Variants in PHACTR1 observed in about 807,000 individuals in gnomAD.
The protein encoded by PHACTR1 is phosphatase and actin regulator 1.
In PHACTR1, 16 loss-of-function variants were observed where a neutral mutation model predicts 69.2. The ratio of observed to expected loss-of-function variants is 0.23; its 90% CI spans 0.16 to 0.35. The LOEUF (loss-of-function observed/expected upper bound fraction) is 0.35, where lower values mean the gene tolerates loss of function less well. Ranked by LOEUF, PHACTR1 falls within the 10% of genes least tolerant of loss-of-function variation. The pLI, the probability that PHACTR1 is intolerant of heterozygous loss-of-function variation, is 1.00. For missense variants in PHACTR1, 510 were observed against 734.7 expected, an observed-to-expected ratio of 0.69 and a Z score of 3.54; for synonymous variants, 312 against 284.5, an observed-to-expected ratio of 1.10 and a Z score of -0.97.
intron 4 of PHACTR1, among the ~76,000 whole-genome samples, chr6:12,774,894 A>G (rs1456102154): frequency 3.3e-5 from 5 of 152,228 alleles, no homozygotes; most frequent in African/African-American, 1.2e-4. Context: ...CCATTTCCAA[A>G]TAAAGTGAAG....
intron 7 of PHACTR1, among the ~76,000 whole-genome samples, chr6:13,197,419 T>C (rs1184503177): frequency 6.6e-6 from 1 of 152,164 alleles, no homozygotes; most frequent in Non-Finnish European, 1.5e-5. Context: ...ATCTATACTC[T>C]GGGCAATACT....
At chr6:13,064,238 A>G (rs1808139023) in intron 5 of PHACTR1, among the ~76,000 whole-genome samples, 1 of 151,986 alleles carries the variant, frequency 6.6e-6, no homozygotes, top group South Asian at 2.1e-4. Flanking sequence ...GAAGACTGTG[A>G]ACAGATCCAA....
At position 13,014,223 on chromosome 6, in the gene PHACTR1, G is replaced by T. The variant is rs558573809; in HGVS notation, c.251-39142G>T. On this transcript the variant is annotated intron_variant, in intron 4 of 14. Transcript: ENST00000332995. ...CGGGCTGTCTCAGTTTGGGGGCACC[G>T]CCGGCGTCTGTCGCCTGGAAAACTG... 5.9e-5 allele frequency among the ~76,000 whole-genome samples: 9 copies of T among 152,208 alleles called. No individual in the cohort carries two copies. The South Asian group carries it at 1.0e-3, about 18-fold the overall frequency.
intron 4 of PHACTR1, among the ~76,000 whole-genome samples, chr6:12,975,396 A>G (rs1010313427): frequency 6.6e-6 from 1 of 152,226 alleles, no homozygotes; most frequent in African/African-American, 2.4e-5. Context: ...TATTATTTAT[A>G]TGAAAATACT....
chr6:13,119,065 C>T (rs1818256286), intron 5 of PHACTR1, among the ~76,000 whole-genome samples: 1 of 152,150 alleles, frequency 6.6e-6, no homozygotes, highest in Admixed American at 6.5e-5. Context: ...ACCTCCTCTC[C>T]TTGTCTTCTC....
At chr6:13,286,672 A>G (rs750418301) in intron 14 of PHACTR1, among the ~76,000 whole-genome samples, 35 of 152,342 alleles carry the variant, frequency 2.3e-4, no homozygotes, top group Non-Finnish European at 4.7e-4. Flanking sequence ...ATTTGGGAAA[A>G]CCGAGGCATG....
chr6:13,248,882 C>T (rs1394863759), intron 10 of PHACTR1, among the ~76,000 whole-genome samples: 1 of 152,152 alleles, frequency 6.6e-6, no homozygotes, highest in Non-Finnish European at 1.5e-5. Context: ...AAAAAGCACT[C>T]TGCAAACATC....
intron 3 of PHACTR1, among the ~76,000 whole-genome samples, chr6:12,722,613 C>G (rs1238819821): frequency 6.6e-6 from 1 of 152,178 alleles, no homozygotes; most frequent in Non-Finnish European, 1.5e-5. Flanking sequence ...TTGGAATTCC[C>G]TGAGATTTTC....
chr6:12,980,001 G>T (rs1460672843), intron 4 of PHACTR1, among the ~76,000 whole-genome samples: 1 of 152,112 alleles, frequency 6.6e-6, no homozygotes, highest in African/African-American at 2.4e-5. Context: ...AGCATGCTTT[G>T]TTAGCCACAA....
At chr6:13,197,096 G>C (rs771028151) in intron 7 of PHACTR1, among the ~76,000 whole-genome samples, 25 of 152,224 alleles carry the variant, frequency 1.6e-4, no homozygotes, top group Non-Finnish European at 2.9e-4. Context: ...ACGTGATCCT[G>C]TCTGACCCTC....
chr6:12,827,416 C>T (rs1357962743), intron 4 of PHACTR1, among the ~76,000 whole-genome samples: 1 of 152,148 alleles, frequency 6.6e-6, no homozygotes, highest in Non-Finnish European at 1.5e-5. Flanking sequence ...AGAGCTTACA[C>T]AAAGGCCTTC....
chr6:13,240,008 G>A (rs1407893642), intron 10 of PHACTR1, among the ~76,000 whole-genome samples: 1 of 151,384 alleles, frequency 6.6e-6, no homozygotes, highest in Admixed American at 6.6e-5. Context: ...TTACCCAGTG[G>A]GAACACAATC....
chr6:12,900,170 T>C (rs927378176), intron 4 of PHACTR1, among the ~76,000 whole-genome samples: 5 of 152,224 alleles, frequency 3.3e-5, no homozygotes, highest in Non-Finnish European at 7.3e-5. Context: ...CTCTTAAAGA[T>C]TGGCCTCTTA....
intron 4 of PHACTR1, among the ~76,000 whole-genome samples, chr6:12,848,368 C>T (rs1779499055): frequency 6.6e-6 from 1 of 152,160 alleles, no homozygotes; most frequent in African/African-American, 2.4e-5. Context: ...AACACAAACA[C>T]ACATAAGGGT....
chr6:13,277,818 C>T (rs183617859), intron 11 of PHACTR1, among the ~76,000 whole-genome samples: 45 of 152,106 alleles, frequency 3.0e-4, no homozygotes, highest in Admixed American at 5.9e-4. Context: ...GGTGTGGTGG[C>T]GTGCATGTGT....
chr6:12,869,765 T>A (rs1781838797), intron 4 of PHACTR1, among the ~76,000 whole-genome samples: 1 of 152,238 alleles, frequency 6.6e-6, no homozygotes, highest in African/African-American at 2.4e-5. Context: ...CTGTGGCTCT[T>A]TTTAGCCACC....
chr6:12,977,444 T>C (rs1795032469), intron 4 of PHACTR1, among the ~76,000 whole-genome samples: 1 of 151,938 alleles, frequency 6.6e-6, no homozygotes, highest in African/African-American at 2.4e-5. Context: ...AAAGGACAAC[T>C]ATCTAGGACC....
At chr6:12,942,444 AG>A (rs1430937759) in intron 4 of PHACTR1, among the ~76,000 whole-genome samples, 1 of 152,200 alleles carries the variant, frequency 6.6e-6, no homozygotes, top group African/African-American at 2.4e-5. Context: ...AGTTAGAGCT[AG>A]TTCTTTCTTT....
chr6:12,781,637 C>T (rs560081026), intron 4 of PHACTR1, among the ~76,000 whole-genome samples: 38 of 152,304 alleles, frequency 2.5e-4, no homozygotes, highest in African/African-American at 8.4e-4. Context: ...GAGGGAGATG[C>T]CACATGGCAG....
Sources: allele counts gnomAD v4.1 joint callset (sites outside exome capture counted in the v4.1 genomes callset), GRCh38; gene constraint gnomAD v4.1.1; transcripts MANE v1.5; gene names NCBI Gene and HGNC (gene_info 2026-07-23, HGNC 2026-07-21).